Variants in MEMO1 observed in about 807,000 individuals in gnomAD.
MEMO1 encodes mediator of cell motility 1, also known as protein MEMO1.
In MEMO1, 6 loss-of-function variants were observed where a neutral mutation model predicts 45.2. The ratio of observed to expected loss-of-function variants is 0.13; its 90% CI spans 0.07 to 0.26. The LOEUF is 0.26. Ranked by LOEUF, MEMO1 falls within the 10% of genes least tolerant of loss-of-function variation. The probability of loss-of-function intolerance (pLI) is 1.00; values close to 1 mark genes in which losing one functional copy is unlikely to be tolerated. For missense variants in MEMO1, 184 were observed against 370.5 expected (o/e 0.50, Z 4.13); for synonymous variants, 78 against 124.3 (o/e 0.63, Z 2.48).
intron 4 of MEMO1, chr2:31,923,546 C>T: frequency 7.6e-7 from 1 of 1,308,672 alleles, no homozygotes; most frequent in Non-Finnish European, 1.0e-6. Context: ...TAACATGACA[C>T]TTTGTTTTAA....
intron 3 of MEMO1, among the ~76,000 whole-genome samples, chr2:31,940,774 C>A (rs1236587733): frequency 6.6e-6 from 1 of 152,190 alleles, no homozygotes; most frequent in Non-Finnish European, 1.5e-5. Flanking sequence ...CTCAAGCAAT[C>A]CTCCTGCTTA....
chr2:31,872,214 A>G (rs1435989150), intron 8 of MEMO1, among the ~76,000 whole-genome samples: 1 of 152,170 alleles, frequency 6.6e-6, no homozygotes, highest in Non-Finnish European at 1.5e-5. Context: ...CAGAGGCACA[A>G]AACAGGCAAA....
At chr2:31,944,648 T>C (rs1665991280) in intron 2 of MEMO1, among the ~76,000 whole-genome samples, 1 of 152,216 alleles carries the variant, frequency 6.6e-6, no homozygotes, top group Non-Finnish European at 1.5e-5. Context: ...CCATAACTAT[T>C]ATAGGTCTCC....
At chr2:31,938,293 C>T (rs1665165819) in intron 3 of MEMO1, among the ~76,000 whole-genome samples, 1 of 151,748 alleles carries the variant, frequency 6.6e-6, no homozygotes, top group Non-Finnish European at 1.5e-5. Context: ...CAACTATATC[C>T]AGGTTCTGAG....
At chr2:31,939,993 A>G (rs1345995236) in intron 3 of MEMO1, among the ~76,000 whole-genome samples, 2 of 152,174 alleles carry the variant, frequency 1.3e-5, no homozygotes, top group Non-Finnish European at 2.9e-5. Context: ...AAATCCAATT[A>G]TCAATCCTCA....
intron 2 of MEMO1, among the ~76,000 whole-genome samples, chr2:31,990,160 T>C (rs751647294): frequency 1.3e-5 from 2 of 152,146 alleles, no homozygotes; most frequent in Admixed American, 6.6e-5. Context: ...AATTTACATC[T>C]GGGTGAGGCC....
intron 4 of MEMO1, among the ~76,000 whole-genome samples, chr2:31,928,215 A>G (rs1179925118): frequency 6.6e-6 from 1 of 152,202 alleles, no homozygotes; most frequent in African/African-American, 2.4e-5. Context: ...CACACTCCCC[A>G]TTAAGTTATC....
intron 6 of MEMO1, among the ~76,000 whole-genome samples, chr2:31,899,838 A>C (rs2148035540): frequency 6.6e-6 from 1 of 152,368 alleles, no homozygotes; most frequent in East Asian, 1.9e-4. Context: ...AATTTACAAG[A>C]AAAAAACAAC....
At chr2:31,922,182 TTC>T (rs1367769305) in intron 4 of MEMO1, among the ~76,000 whole-genome samples, 4 of 152,150 alleles carry the variant, frequency 2.6e-5, no homozygotes, top group African/African-American at 9.7e-5. Context: ...GCTAGTTCTT[TTC>T]TGTCAAAAAT....
chr2:31,892,602 C>T (rs1278467740), intron 6 of MEMO1, among the ~76,000 whole-genome samples: 1 of 152,150 alleles, frequency 6.6e-6, no homozygotes, highest in African/African-American at 2.4e-5. Context: ...CTCTATAAAC[C>T]TGCCAAGTGA....
intron 2 of MEMO1, among the ~76,000 whole-genome samples, chr2:31,990,355 T>C (rs1259742609): frequency 6.6e-6 from 1 of 152,218 alleles, no homozygotes; most frequent in Admixed American, 6.5e-5. Flanking sequence ...AAATGTCATT[T>C]ATGTTAGCAT....
intron 3 of MEMO1, among the ~76,000 whole-genome samples, chr2:31,936,733 C>G (rs1444181231): frequency 6.6e-6 from 1 of 152,172 alleles, no homozygotes; most frequent in Non-Finnish European, 1.5e-5. Context: ...CACAGGTGAA[C>G]AGTATAAACT....
chr2:31,939,841 A>C (rs994353084), intron 3 of MEMO1, among the ~76,000 whole-genome samples: 1 of 152,100 alleles, frequency 6.6e-6, no homozygotes, highest in African/African-American at 2.4e-5. Flanking sequence ...TTTACAGCAA[A>C]ATTCCTCAAA....
chr2:31,868,728 T>G (rs1673224592), intron 9 of MEMO1, among the ~76,000 whole-genome samples: 1 of 152,230 alleles, frequency 6.6e-6, no homozygotes, highest in Non-Finnish European at 1.5e-5. Context: ...AGTCATCATT[T>G]ACCCTCCCTC....
At chr2:31,929,314 T>A (rs766502632) in intron 4 of MEMO1, among the ~76,000 whole-genome samples, 1 of 152,210 alleles carries the variant, frequency 6.6e-6, no homozygotes, top group Non-Finnish European at 1.5e-5. Context: ...TTATCCTTTG[T>A]CTTTTTTTGC....
intron 2 of MEMO1, 61 bp from the exon 3 acceptor site, chr2:31,943,444 G>T: frequency 8.3e-7 from 1 of 1,200,136 alleles, no homozygotes; most frequent in Non-Finnish European, 1.2e-6. Context: ...ATAAACATAT[G>T]TGGCATAAAG....
At chr2:31,914,092 A>G (rs1415244550) in intron 6 of MEMO1, among the ~76,000 whole-genome samples, 3 of 152,184 alleles carry the variant, frequency 2.0e-5, no homozygotes, top group Non-Finnish European at 2.9e-5. Flanking sequence ...GAGAACCAAG[A>G]TGAAAACTGA....
At chr2:31,949,426 T>A (rs1193893171) in intron 2 of MEMO1, among the ~76,000 whole-genome samples, 1 of 152,048 alleles carries the variant, frequency 6.6e-6, no homozygotes, top group East Asian at 1.9e-4. Context: ...TAAAAAAGAA[T>A]GAGATCCAGT....
chr2:31,928,273 C>T (rs970937623), intron 4 of MEMO1, among the ~76,000 whole-genome samples: 4 of 152,142 alleles, frequency 2.6e-5, no homozygotes, highest in African/African-American at 9.7e-5. Context: ...CCAGGAACAG[C>T]GGCTCATGCC....
Sources: gnomAD v4.1 joint callset for allele counts (sites outside exome capture counted in the v4.1 genomes callset) on GRCh38, gnomAD v4.1.1 for gene constraint, MANE v1.5 for transcripts, NCBI Gene and HGNC (gene_info 2026-07-23, HGNC 2026-07-21) for gene names.